The following NKAIN2 variants were observed in gnomAD, a reference collection of about 807,000 sequenced individuals.
NKAIN2 encodes sodium/potassium transporting ATPase interacting 2, also known as sodium/potassium-transporting ATPase subunit beta-1-interacting protein 2.
Under a neutral mutation model 32.6 loss-of-function variants are expected in NKAIN2, and 14 were observed. The observed-to-expected ratio is 0.43, with a 90% CI of 0.28 to 0.67. The LOEUF (loss-of-function observed/expected upper bound fraction) is 0.67, where lower values mean the gene tolerates loss of function less well. Among genes scored for constraint, NKAIN2 ranks in the 30% least tolerant of loss-of-function variants. The pLI is 0.17. For synonymous variants in NKAIN2, 80 were observed against 87.2 expected (o/e 0.92, Z 0.46); for missense variants, 198 against 258.3 (o/e 0.77, Z 1.60).
intron 4 of NKAIN2, among the ~76,000 whole-genome samples, chr6:124,760,957 C>G (rs1036212556): frequency 2.0e-5 from 3 of 152,154 alleles, no homozygotes; most frequent in African/African-American, 7.2e-5. Flanking sequence ...ACATAGTAGG[C>G]ACCCAGCAAA....
At chr6:124,682,826 CA>C (rs778771341) in intron 4 of NKAIN2, among the ~76,000 whole-genome samples, 4 of 152,044 alleles carry the variant, frequency 2.6e-5, no homozygotes, top group Non-Finnish European at 5.9e-5. Flanking sequence ...TTAATGGAAT[CA>C]CTTCAATCAC....
At chr6:123,972,074 G>C (rs1778369663) in intron 1 of NKAIN2, among the ~76,000 whole-genome samples, 1 of 152,114 alleles carries the variant, frequency 6.6e-6, no homozygotes, top group Non-Finnish European at 1.5e-5. Flanking sequence ...TCCACTTAAT[G>C]AATAGTAAAT....
chr6:123,901,407 AGTTTAATATTTCTT>A, intron 1 of NKAIN2, among the ~76,000 whole-genome samples: 1 of 152,310 alleles, frequency 6.6e-6, no homozygotes, highest in Admixed American at 6.5e-5. Flanking sequence ...GGCAGGATCC[AGTTTAATATTTCTT>A]GATGTTTTTG....
chr6:124,375,443 C>T (rs2114345661), intron 3 of NKAIN2, among the ~76,000 whole-genome samples: 1 of 146,186 alleles, frequency 6.8e-6, no homozygotes, highest in East Asian at 2.0e-4. Flanking sequence ...ATATAAATTA[C>T]ATTTATATAT....
intron 4 of NKAIN2, among the ~76,000 whole-genome samples, chr6:124,787,450 A>C (rs2114799156): frequency 6.6e-6 from 1 of 152,290 alleles, no homozygotes; most frequent in South Asian, 2.1e-4. Flanking sequence ...AGAATGAGTT[A>C]GAATTACTCA....
At chr6:124,251,445 G>A (rs1041316304) in intron 1 of NKAIN2, among the ~76,000 whole-genome samples, 14 of 151,648 alleles carry the variant, frequency 9.2e-5, no homozygotes, top group Admixed American at 3.3e-4. Context: ...AACATAATGA[G>A]CACCACAACA....
chr6:123,888,483 AACTT>A (rs926082389), intron 1 of NKAIN2, among the ~76,000 whole-genome samples: 2 of 152,136 alleles, frequency 1.3e-5, no homozygotes, highest in African/African-American at 4.8e-5. Flanking sequence ...CTATGTCTAA[AACTT>A]AATAATGCTT....
At chr6:124,401,636 T>C (rs1773630586) in intron 3 of NKAIN2, among the ~76,000 whole-genome samples, 1 of 152,196 alleles carries the variant, frequency 6.6e-6, no homozygotes, top group East Asian at 1.9e-4. Flanking sequence ...GCATATGTTG[T>C]GTAATTTCCT....
rs552751843 is a variant in NKAIN2 at position 124,443,090 on chromosome 6, C to T, written c.273+87743C>T. 7.2e-5 allele frequency among the ~76,000 whole-genome samples: 11 copies of T among 152,140 alleles called. No individual in the cohort carries two copies. The East Asian group carries it at 1.9e-3, about 27-fold the overall frequency. On this transcript the variant is annotated intron_variant, in intron 3 of 6. Coordinates refer to ENST00000368417, the MANE Select transcript of NKAIN2 (RefSeq NM_001040214.3). Reference sequence around the variant, plus strand: ...TCTTGGTAATGACAGTTGCAAGATGCAATAATTTGCTTTTTACTTTAAGGA... The same window carrying T: ...TCTTGGTAATGACAGTTGCAAGATGTAATAATTTGCTTTTTACTTTAAGGA...
intron 1 of NKAIN2, among the ~76,000 whole-genome samples, chr6:124,180,596 A>G (rs1333014970): frequency 1.3e-5 from 2 of 152,060 alleles, no homozygotes; most frequent in Non-Finnish European, 2.9e-5. Flanking sequence ...TTCAAAACCA[A>G]TCATGCCTTC....
intron 1 of NKAIN2, among the ~76,000 whole-genome samples, chr6:124,058,174 G>A (rs1782748804): frequency 6.8e-6 from 1 of 148,100 alleles, no homozygotes; most frequent in East Asian, 2.0e-4. Flanking sequence ...GAAATTGAAA[G>A]CATTGTTTAT....
At chr6:124,570,223 G>A (rs1481100307) in intron 3 of NKAIN2, among the ~76,000 whole-genome samples, 1 of 152,174 alleles carries the variant, frequency 6.6e-6, no homozygotes, top group Non-Finnish European at 1.5e-5. Context: ...GGGAAACAGA[G>A]CATAAAAGTT....
At chr6:124,738,855 A>G (rs1777071545) in intron 4 of NKAIN2, among the ~76,000 whole-genome samples, 1 of 151,908 alleles carries the variant, frequency 6.6e-6, no homozygotes. Context: ...TTATATGAGA[A>G]AGTGATTCAC....
At chr6:123,952,821 A>G (rs1428779237) in intron 1 of NKAIN2, among the ~76,000 whole-genome samples, 2 of 152,062 alleles carry the variant, frequency 1.3e-5, no homozygotes, top group Admixed American at 1.3e-4. Context: ...GTTCTCTGAT[A>G]TCTCACTGAG....
intron 1 of NKAIN2, among the ~76,000 whole-genome samples, chr6:124,266,415 C>T (rs1466894568): frequency 6.6e-6 from 1 of 151,988 alleles, no homozygotes; most frequent in Non-Finnish European, 1.5e-5. Flanking sequence ...GTAGCTGGGA[C>T]TACAGGCACA....
intron 3 of NKAIN2, among the ~76,000 whole-genome samples, chr6:124,439,290 C>A (rs1775590141): frequency 6.6e-6 from 1 of 152,040 alleles, no homozygotes; most frequent in Non-Finnish European, 1.5e-5. Context: ...CTATGTTCAT[C>A]CTAAAACTAA....
At chr6:124,207,937 T>C (rs1161534438) in intron 1 of NKAIN2, among the ~76,000 whole-genome samples, 1 of 152,016 alleles carries the variant, frequency 6.6e-6, no homozygotes, top group African/African-American at 2.4e-5. Context: ...ATTCTAGACT[T>C]GTATTCTGCA....
At chr6:123,848,057 A>G (rs1775166096) in intron 1 of NKAIN2, among the ~76,000 whole-genome samples, 1 of 152,206 alleles carries the variant, frequency 6.6e-6, no homozygotes, top group South Asian at 2.1e-4. Context: ...TCGAAAAGCC[A>G]TCATAAAGGT....
At chr6:123,849,305 AC>A (rs1164467399) in intron 1 of NKAIN2, among the ~76,000 whole-genome samples, 1 of 152,220 alleles carries the variant, frequency 6.6e-6, no homozygotes, top group Non-Finnish European at 1.5e-5. Flanking sequence ...AAAATGATAG[AC>A]GAGGAAGTGT....
Sources: allele counts gnomAD v4.1 joint callset (sites outside exome capture counted in the v4.1 genomes callset), GRCh38; gene constraint gnomAD v4.1.1; transcripts MANE v1.5; gene names NCBI Gene and HGNC (gene_info 2026-07-23, HGNC 2026-07-21).